DTWD2: variants seen among roughly 807,000 people sequenced by gnomAD.
The protein encoded by DTWD2 is tRNA-uridine aminocarboxypropyltransferase 2.
A neutral mutation model predicts 31.8 loss-of-function variants in DTWD2; 39 were observed. The ratio of observed to expected loss-of-function variants is 1.22; its 90% confidence interval spans 0.95 to 1.60. The LOEUF is 1.60. Ranked by LOEUF, DTWD2 falls within the 40% of genes most tolerant of loss-of-function variation. DTWD2 has a pLI of 0.00. For synonymous variants in DTWD2, 180 were observed against 142.8 expected (o/e 1.26, Z -1.86); for missense variants, 515 against 381.5 (o/e 1.35, Z -2.92).
At position 118,974,023 on chromosome 5, in the gene DTWD2, T is replaced by C. The variant is rs1015142805; in HGVS notation, c.218+14271A>G. On this transcript the variant is annotated intron_variant, in intron 1 of 5. Coordinates refer to ENST00000510708, the MANE Select transcript of DTWD2 (RefSeq NM_173666.4). ...GTGATGGTGAGGAAGAGGATGGAGA[T>C]GAAGATGAGGAAGCTGAGACAGCTA... 3.7e-6 allele frequency: 6 copies of C among 1,603,132 alleles called. No individual in the cohort carries two copies. In the African/African-American group the frequency reaches 6.7e-5, roughly 18 times the overall value.
intron 1 of DTWD2, among the ~76,000 whole-genome samples, chr5:118,945,519 C>T (rs922358024): frequency 2.0e-4 from 30 of 152,042 alleles, no homozygotes; most frequent in African/African-American, 7.3e-4. Flanking sequence ...AATCCCAGCA[C>T]TTTGGGAGGC....
chr5:118,942,378 T>C (rs1187361845), intron 2 of DTWD2, among the ~76,000 whole-genome samples: 1 of 151,876 alleles, frequency 6.6e-6, no homozygotes, highest in East Asian at 1.9e-4. Flanking sequence ...AAAATTCCTT[T>C]GCTGAGAAGG....
intron 4 of DTWD2, among the ~76,000 whole-genome samples, chr5:118,926,598 A>G (rs971572704): frequency 6.6e-6 from 1 of 152,234 alleles, no homozygotes; most frequent in Non-Finnish European, 1.5e-5. Context: ...AACAACTTAT[A>G]TCAATGTTAC....
At chr5:118,893,803 G>C (rs1434988553) in intron 4 of DTWD2, among the ~76,000 whole-genome samples, 1 of 152,152 alleles carries the variant, frequency 6.6e-6, no homozygotes, top group Non-Finnish European at 1.5e-5. Flanking sequence ...ATAGCCTCTA[G>C]AATCCGGGAA....
At chr5:118,981,397 ATAACT>A (rs1001677904) in intron 1 of DTWD2, among the ~76,000 whole-genome samples, 1 of 152,214 alleles carries the variant, frequency 6.6e-6, no homozygotes, top group African/African-American at 2.4e-5. Context: ...AGACTGCCAA[ATAACT>A]TGTCTACATA....
intron 1 of DTWD2, among the ~76,000 whole-genome samples, chr5:118,982,597 C>A (rs1050192241): frequency 4.7e-5 from 7 of 149,360 alleles, no homozygotes; most frequent in Admixed American, 4.7e-4. Flanking sequence ...TTGATATATA[C>A]AAAAATTAAA....
chr5:118,895,252 C>T (rs1245672388), intron 4 of DTWD2, among the ~76,000 whole-genome samples: 1 of 151,958 alleles, frequency 6.6e-6, no homozygotes, highest in Non-Finnish European at 1.5e-5. Flanking sequence ...GAAAGCAATG[C>T]CATTTATAAT....
At chr5:118,848,252 G>C in intron 4 of DTWD2, 34 bp from the exon 5 acceptor site, 3 of 1,532,050 alleles carry the variant, frequency 2.0e-6, no homozygotes, top group Non-Finnish European at 2.6e-6. Context: ...CATAATTTTT[G>C]TTTTAAATTT....
chr5:118,857,255 C>G (rs745545005), intron 4 of DTWD2, among the ~76,000 whole-genome samples: 4 of 151,996 alleles, frequency 2.6e-5, no homozygotes, highest in Non-Finnish European at 4.4e-5. Context: ...GTGTGTTAAG[C>G]TTTTGTGGTT....
chr5:118,934,900 G>T (rs1754002888), intron 3 of DTWD2, among the ~76,000 whole-genome samples: 1 of 152,168 alleles, frequency 6.6e-6, no homozygotes, highest in African/African-American at 2.4e-5. Flanking sequence ...GTGATATTGT[G>T]AAATATATAT....
In DTWD2 at chr5:118,837,605, T is replaced by G. The variant is rs1206040589; in HGVS notation, c.*3312A>C. On this transcript the variant is annotated 3_prime_UTR_variant, in exon 6 of 6. Transcript: ENST00000510708. ...CTATTTAGGGCAACAGTTGGAAATA[T>G]GTGATGAAGAAACTGAGTAAATTAT... The G allele has an allele frequency of 1.3e-5, 2 of 152,270 alleles. No homozygotes were observed. Among genetic ancestry groups the G allele is most frequent in the East Asian group, 3.9e-4 (2 of 5,184 alleles). The allele number at this position is 152,270 out of a possible 1,614,324, so 9.4% of individuals were successfully genotyped here.
At position 118,839,114 on chromosome 5, in the gene DTWD2, A is replaced by G. The variant is rs1212246992; in HGVS notation, c.*1803T>C. 1 of 152,068 alleles carries G rather than the reference A, an allele frequency of 6.6e-6. No individual in the cohort carries two copies. Among genetic ancestry groups the G allele is most frequent in the African/African-American group, 2.4e-5 (1 of 41,416 alleles). The allele number at this position is 152,068 out of a possible 1,614,324, so 9.4% of individuals were successfully genotyped here. A position where few individuals can be genotyped will look rare whatever the true frequency, so the allele number is the denominator to read the frequency against. On this transcript the variant is annotated 3_prime_UTR_variant, in exon 6 of 6. Coordinates refer to ENST00000510708, the MANE Select transcript of DTWD2 (RefSeq NM_173666.4). ...GAGGCAGAGCTTTCAGTGAGCCAAG[A>G]TTGCGCCACTGCACTCCAGCCTGGG...
chr5:118,985,507 T>TATATATATATATATAC (rs1479984938), intron 1 of DTWD2, among the ~76,000 whole-genome samples: 8 of 122,352 alleles, frequency 6.5e-5, no homozygotes, highest in Admixed American at 1.6e-4. Context: ...TATATATATA[T>TATATATATATATATAC]ATATATATAT....
Position 118,840,741 on chromosome 5 carries a change from G to T in DTWD2, c.*176C>A. ...AAATCCTGCTTTTCAGTGAGCCAGT[G>T]AATTTCTGTTTATTTGTATTTATGA... is the stretch of plus-strand genomic sequence containing the variant. On this transcript the variant is annotated 3_prime_UTR_variant, in exon 6 of 6. Transcript: ENST00000510708. 1 of 606,484 alleles carries T rather than the reference G, an allele frequency of 1.6e-6. No homozygotes were observed. Among genetic ancestry groups the T allele is most frequent in the Non-Finnish European group, 2.4e-6 (1 of 410,596 alleles). 37.6% of individuals were successfully genotyped at this position (606,484 alleles called of 1,614,324 possible). A position where few individuals can be genotyped will look rare whatever the true frequency, so the allele number is the denominator to read the frequency against.
At chr5:118,971,629 G>A (rs1054208245) in intron 1 of DTWD2, among the ~76,000 whole-genome samples, 15 of 152,172 alleles carry the variant, frequency 9.9e-5, no homozygotes, top group African/African-American at 3.6e-4. Flanking sequence ...GGATCAAGCA[G>A]ACCTGATAGA....
chr5:118,859,894 G>A (rs1752220633), intron 4 of DTWD2, among the ~76,000 whole-genome samples: 1 of 152,126 alleles, frequency 6.6e-6, no homozygotes, highest in African/African-American at 2.4e-5. Context: ...AAGACAGGAG[G>A]ATCACTTGAG....
rs529575253 is a variant in DTWD2, at chr5:118,963,033, C to T, written c.219-18384G>A. Among the ~76,000 whole-genome samples the T allele has an allele frequency of 3.9e-5, 6 of 152,224 alleles. No individual in the cohort carries two copies. In the South Asian group the frequency reaches 6.2e-4, roughly 16 times the overall value. On this transcript the variant is annotated intron_variant, in intron 1 of 5. Coordinates refer to ENST00000510708, the MANE Select transcript of DTWD2 (RefSeq NM_173666.4). ...AAACATTTAGAGATAAATAAACAAA[C>T]GTGAGGGTCTAAAGAGGATCCAGAA...
intron 4 of DTWD2, among the ~76,000 whole-genome samples, chr5:118,881,462 T>C (rs1267448064): frequency 3.3e-5 from 5 of 152,224 alleles, no homozygotes; most frequent in East Asian, 1.9e-4. Context: ...ATCAGCATTA[T>C]TTGAAACTGA....
At chr5:118,878,978 T>A (rs1752680094) in intron 4 of DTWD2, among the ~76,000 whole-genome samples, 1 of 151,924 alleles carries the variant, frequency 6.6e-6, no homozygotes, top group Non-Finnish European at 1.5e-5. Flanking sequence ...TATTAAAAAG[T>A]CAAAAAATAA....
Sources: gnomAD v4.1 joint callset for allele counts (sites outside exome capture counted in the v4.1 genomes callset) on GRCh38, gnomAD v4.1.1 for gene constraint, MANE v1.5 for transcripts, NCBI Gene and HGNC (gene_info 2026-07-23, HGNC 2026-07-21) for gene names.